C11orf21: variants seen among roughly 807,000 people sequenced by gnomAD.
The protein encoded by C11orf21 is chromosome 11 open reading frame 21.
Under a neutral mutation model 15.2 loss-of-function variants are expected in C11orf21, and 19 were observed. The observed-to-expected ratio is 1.25, with a 90% CI of 0.87 to 1.84. The LOEUF (loss-of-function observed/expected upper bound fraction) is 1.84. C11orf21 is among the 40% of genes most tolerant of loss of function. The pLI is 0.00. For synonymous variants in C11orf21, 62 were observed against 66.8 expected, an observed-to-expected ratio of 0.93 and a Z score of 0.35; for missense variants, 171 against 174.4, an observed-to-expected ratio of 0.98 and a Z score of 0.11.
rs1007181989 is a variant in C11orf21 at position 2,300,456 on chromosome 11, G to A, written c.147+64C>T. 1.8e-5 allele frequency: 19 copies of A among 1,030,036 alleles called. No homozygotes were observed. The South Asian group carries it at 2.7e-4, about 15-fold the overall frequency. 63.8% of individuals were successfully genotyped at this position (1,030,036 alleles called of 1,614,324 possible). ...GGGAGGGTGTGGCTCAGCAAAGGGC[G>A]TGGGGGTTCCACCGGCTCCCTGCCC... On this transcript the variant is annotated intron_variant, in intron 2 of 3. Transcript: ENST00000381153.
chr11:2,302,559 T>TCACTCC (rs1847818333), upstream of C11orf21: 3 of 521,500 alleles, frequency 5.8e-6, no homozygotes, highest in Non-Finnish European at 1.0e-5. Context: ...GGGGTGGGGC[T>TCACTCC]CACTCCCACT....
Position 2,297,396 on chromosome 11 carries a change from G to A in C11orf21, c.*554C>T, listed in dbSNP as rs1452570388. The A allele has an allele frequency of 2.0e-5, 3 of 152,444 alleles. No individual in the cohort carries two copies. The East Asian group carries it at 5.8e-4, about 29-fold the overall frequency. 9.4% of individuals were successfully genotyped at this position (152,444 alleles called of 1,614,324 possible). ...CTCATCCAGGCGGGTGAACACTCGT[G>A]TGTTGGGAGGCTGGTGAAGCCTGGC... On this transcript the variant is annotated 3_prime_UTR_variant, in exon 4 of 4. Coordinates refer to ENST00000381153, the MANE Select transcript of C11orf21 (RefSeq NM_001329958.2).
chr11:2,298,501 G>A (rs1460214694), intron 3 of C11orf21, among the ~76,000 whole-genome samples: 20 of 152,296 alleles, frequency 1.3e-4, no homozygotes, highest in African/African-American at 4.3e-4. Flanking sequence ...GGACCATTAG[G>A]GGGAGGGTCC....
rs776163305 is a variant in C11orf21 at position 2,301,787 on chromosome 11, T to A, written c.22A>T (p.Met8Leu). Residue 8 changes from methionine (M) to leucine (L), a missense_variant, in exon 1 of 4, where the codon ATG becomes TTG. Met to Leu is a conservative substitution (Grantham distance 15, BLOSUM62 2). Coordinates refer to ENST00000381153, the MANE Select transcript of C11orf21 (RefSeq NM_001329958.2). MGRTWCG[M>L]WRRRRPGRRS... ...CTCCCCGGGCGCCGTCTCCTCCACA[T>A]CCCACACCAGGTCCTGCCCATGACT... The A allele has an allele frequency of 1.3e-6, 2 of 1,550,216 alleles. No homozygotes were observed. The highest frequency in any genetic ancestry group is 3.9e-5 in the Admixed American group (2 of 50,948).
chr11:2,302,275 G>C, upstream of C11orf21: 3 of 1,314,112 alleles, frequency 2.3e-6, no homozygotes, highest in Non-Finnish European at 3.0e-6. Flanking sequence ...GTGAGGGGTG[G>C]CAGGGCCTCA....
rs1847540204 is a variant in C11orf21 at position 2,297,013 on chromosome 11, C to A, written c.*937G>T. ...CTCAGGCTGGGCAGCATTGGCTGAG[C>A]CCCCACCGCACCTTCCCTCCCACCC... is the stretch of plus-strand genomic sequence containing the variant. On this transcript the variant is annotated 3_prime_UTR_variant, in exon 4 of 4. Transcript: ENST00000381153. The A allele has an allele frequency of 6.6e-6, 1 of 152,338 alleles. No individual in the cohort carries two copies. The highest frequency in any genetic ancestry group is 1.5e-5 in the Non-Finnish European group (1 of 68,144). The allele number at this position is 152,338 out of a possible 1,614,324, so 9.4% of individuals were successfully genotyped here. A position where few individuals can be genotyped will look rare whatever the true frequency, so the allele number is the denominator to read the frequency against.
chr11:2,302,023 TGACA>T (rs900671140), upstream of C11orf21: 15 of 1,492,818 alleles, frequency 1.0e-5, no homozygotes, highest in Middle Eastern at 1.9e-4. Flanking sequence ...AGGGCGATGT[TGACA>T]GACAGACAGA....
In C11orf21 at chr11:2,297,352, C is replaced by G. The variant is rs1847550769; in HGVS notation, c.*598G>C. On this transcript the variant is annotated 3_prime_UTR_variant, in exon 4 of 4. Transcript: ENST00000381153. The stretch of plus-strand genomic sequence containing the variant: ...ATTGCCCAAATTCACTGCCTTCACT[C>G]CCAAGTCCACAGAGGTGTCTCATCC... 1 of 152,458 alleles carries G rather than the reference C, an allele frequency of 6.6e-6. No homozygotes were observed. 9.4% of individuals were successfully genotyped at this position (152,458 alleles called of 1,614,324 possible).
At chr11:2,299,036 C>T (rs148279313) in intron 3 of C11orf21, among the ~76,000 whole-genome samples, 2 of 152,272 alleles carry the variant, frequency 1.3e-5, no homozygotes, top group Non-Finnish European at 2.9e-5. Context: ...AGCCCAGAAC[C>T]CAGTTTGAGT....
At chr11:2,298,408 G>T (rs2133267006) in intron 3 of C11orf21, among the ~76,000 whole-genome samples, 1 of 152,302 alleles carries the variant, frequency 6.6e-6, no homozygotes, top group Non-Finnish European at 1.5e-5. Context: ...CTTCATCAAG[G>T]GCTAAATAAA....
In C11orf21 at chr11:2,295,653, G is replaced by C. The variant is rs1215679033; in HGVS notation, c.*2297C>G. The C allele has an allele frequency of 1.3e-5, 2 of 152,168 alleles. No homozygotes were observed. Among genetic ancestry groups the C allele is most frequent in the Admixed American group, 1.3e-4 (2 of 15,268 alleles). The allele number at this position is 152,168 out of a possible 1,614,324, so 9.4% of individuals were successfully genotyped here. A position where few individuals can be genotyped will look rare whatever the true frequency, so the allele number is the denominator to read the frequency against. The stretch of plus-strand genomic sequence containing the variant: ...TTTTAGGGCAGTAAAATAATTCTGT[G>C]TGACACTGTAATAGTGGAGATATGC... On this transcript the variant is annotated 3_prime_UTR_variant, in exon 4 of 4. Transcript: ENST00000381153. This position sits in a 1 kb window ranked among gnomAD's most constrained non-coding sequence, Gnocchi z 5.4.
rs912959665 is a variant in C11orf21, at chr11:2,299,278, C to G, written c.*28+150G>C. ...ACAGACATGAGCCAGATTCAGGTGC[C>G]CGCGTGGCCCCCACAGGTCTCTTCA... On this transcript the variant is annotated intron_variant, in intron 3 of 3. Coordinates refer to ENST00000381153, the MANE Select transcript of C11orf21 (RefSeq NM_001329958.2). The G allele has an allele frequency of 3.8e-6, 3 of 795,706 alleles. No homozygotes were observed. The African/African-American group carries it at 5.2e-5, about 14-fold the overall frequency. 49.3% of individuals were successfully genotyped at this position (795,706 alleles called of 1,614,324 possible).
intron 1 of C11orf21, 95 bp from the exon 2 acceptor site, chr11:2,300,708 G>A (rs376134489): frequency 2.1e-4 from 322 of 1,550,964 alleles, no homozygotes; most frequent in Non-Finnish European, 2.6e-4. Context: ...TCCCAGAAGC[G>A]GGTGGTGCTC....
chr11:2,302,765 CA>C, upstream of C11orf21: 1 of 1,224,474 alleles, frequency 8.2e-7, no homozygotes, highest in Non-Finnish European at 1.2e-6. Flanking sequence ...GAGAGAGCCC[CA>C]ACCCTGCCCG....
At position 2,299,055 on chromosome 11, in the gene C11orf21, G is replaced by A. The variant is rs374335396; in HGVS notation, c.*28+373C>T. Among the ~76,000 whole-genome samples the A allele has an allele frequency of 7.9e-5, 12 of 152,224 alleles. No homozygotes were observed. In the East Asian group the frequency reaches 2.3e-3, roughly 30 times the overall value. The stretch of plus-strand genomic sequence containing the variant: ...CAGAACCCAGTTTGAGTATGGTCTT[G>A]GCTCTCAAGGGACAGGCCAGGGTGC... On this transcript the variant is annotated intron_variant, in intron 3 of 3. Coordinates refer to ENST00000381153, the MANE Select transcript of C11orf21 (RefSeq NM_001329958.2).
At chr11:2,303,097 G>A, upstream of C11orf21, 1 of 737,648 alleles carries the variant, frequency 1.4e-6, no homozygotes, top group Non-Finnish European at 2.2e-6. Context: ...GGCAGGGAGG[G>A]GCTGCCCTGG....
In C11orf21 at chr11:2,296,175, C is replaced by T. The variant is rs1024704485; in HGVS notation, c.*1775G>A. The T allele has an allele frequency of 6.6e-5, 10 of 152,214 alleles. No individual in the cohort carries two copies. The highest frequency in any genetic ancestry group is 2.2e-4 in the African/African-American group (9 of 41,448). 9.4% of individuals were successfully genotyped at this position (152,214 alleles called of 1,614,324 possible). A position where few individuals can be genotyped will look rare whatever the true frequency, so the allele number is the denominator to read the frequency against. On this transcript the variant is annotated 3_prime_UTR_variant, in exon 4 of 4. Transcript: ENST00000381153. The surrounding 1 kb of genome is among the most constrained non-coding windows in gnomAD (Gnocchi z 5.6). ...ATGGCGGCACTGACCTTTGCAGTCC[C>T]TCCAGGGCTGCAGGTTGCTTTTGAC...
intron 3 of C11orf21, 52 bp from the exon 4 acceptor site, chr11:2,297,973 C>T (rs1021246780): frequency 1.3e-5 from 2 of 152,200 alleles, no homozygotes; most frequent in African/African-American, 2.4e-5. Context: ...CTAAATGTCT[C>T]TTGGTATAAG....
At chr11:2,299,181 T>C (rs1847609462) in intron 3 of C11orf21, among the ~76,000 whole-genome samples, 1 of 152,098 alleles carries the variant, frequency 6.6e-6, no homozygotes, top group African/African-American at 2.4e-5. Context: ...GGAGCTGCCC[T>C]CCTCCTCCCT....
Sources: allele counts gnomAD v4.1 joint callset (sites outside exome capture counted in the v4.1 genomes callset), GRCh38; gene constraint gnomAD v4.1.1; non-coding constraint Gnocchi (gnomAD v3.1); transcripts MANE v1.5; gene names NCBI Gene and HGNC (gene_info 2026-07-23, HGNC 2026-07-21).